Variants in CCSER1 observed in about 807,000 individuals in gnomAD.
CCSER1 encodes coiled-coil serine rich protein 1.
A neutral mutation model predicts 82.0 loss-of-function variants in CCSER1; 41 were observed. The ratio of observed to expected loss-of-function variants is 0.50; its 90% CI spans 0.39 to 0.65. The LOEUF (loss-of-function observed/expected upper bound fraction) is 0.65. Among genes scored for constraint, CCSER1 ranks in the 30% least tolerant of loss-of-function variants. The pLI is 0.00. For missense variants in CCSER1, 1,119 were observed against 1,064.2 expected, an observed-to-expected ratio of 1.05 and a Z score of -0.72; for synonymous variants, 414 against 383.9, an observed-to-expected ratio of 1.08 and a Z score of -0.92.
chr4:90,226,754 G>C (rs1267070999), intron 1 of CCSER1, among the ~76,000 whole-genome samples: 2 of 152,200 alleles, frequency 1.3e-5, no homozygotes, highest in Admixed American at 1.3e-4. Context: ...GAAAGAGCTT[G>C]TTCTTCAGCT....
In CCSER1 at chr4:90,553,193, G is replaced by A. The variant is rs1437784022; in HGVS notation, c.1725-74832G>A. On this transcript the variant is annotated intron_variant, in intron 5 of 10. Transcript: ENST00000509176. ...TCACCCTGTTGGCCAGGATGGTCTC[G>A]ATCTAACCTCGTGATCTACCTGCCT... Among the ~76,000 whole-genome samples the A allele has an allele frequency of 5.3e-5, 8 of 151,962 alleles. No homozygotes were observed. In the East Asian group the frequency reaches 9.8e-4, roughly 19 times the overall value.
At chr4:91,567,663 T>G (rs1762956475) in intron 10 of CCSER1, among the ~76,000 whole-genome samples, 1 of 152,152 alleles carries the variant, frequency 6.6e-6, no homozygotes, top group South Asian at 2.1e-4. Context: ...TTCGTTGGTT[T>G]GAAATTTGTT....
At chr4:90,323,575 C>T (rs1273402733) in intron 3 of CCSER1, among the ~76,000 whole-genome samples, 2 of 152,198 alleles carry the variant, frequency 1.3e-5, no homozygotes, top group Non-Finnish European at 2.9e-5. Context: ...CACTCTCCCT[C>T]CCACAAGCTC....
At chr4:91,089,486 T>G (rs1723723362) in intron 10 of CCSER1, among the ~76,000 whole-genome samples, 1 of 152,214 alleles carries the variant, frequency 6.6e-6, no homozygotes, top group African/African-American at 2.4e-5. Context: ...TCTCTCTTCT[T>G]TCATTTCCCA....
At chr4:91,063,732 A>G (rs1744142451) in intron 9 of CCSER1, among the ~76,000 whole-genome samples, 1 of 152,172 alleles carries the variant, frequency 6.6e-6, no homozygotes. Flanking sequence ...AAAATCTACA[A>G]TTAGAATGGA....
At chr4:90,405,330 A>C (rs1445876068) in intron 4 of CCSER1, among the ~76,000 whole-genome samples, 1 of 152,152 alleles carries the variant, frequency 6.6e-6, no homozygotes, top group Non-Finnish European at 1.5e-5. Context: ...TAACTAAAAA[A>C]TAAAAATAAA....
chr4:91,387,936 A>G (rs1751404097), intron 10 of CCSER1, among the ~76,000 whole-genome samples: 1 of 151,964 alleles, frequency 6.6e-6, no homozygotes, highest in Non-Finnish European at 1.5e-5. Flanking sequence ...TGAAATGTAG[A>G]AAAAAAATGT....
At chr4:90,284,739 C>T (rs1174948725) in intron 1 of CCSER1, among the ~76,000 whole-genome samples, 2 of 151,932 alleles carry the variant, frequency 1.3e-5, no homozygotes, top group African/African-American at 4.8e-5. Flanking sequence ...GCAATCTGCC[C>T]ACCTTGGCCT....
intron 1 of CCSER1, among the ~76,000 whole-genome samples, chr4:90,191,644 C>G (rs1470150754): frequency 6.6e-6 from 1 of 151,954 alleles, no homozygotes; most frequent in East Asian, 1.9e-4. Flanking sequence ...GGAGAAGGAG[C>G]TGTGAGGAGA....
chr4:90,352,464 G>C (rs1743643950), intron 3 of CCSER1, among the ~76,000 whole-genome samples: 1 of 152,080 alleles, frequency 6.6e-6, no homozygotes, highest in Non-Finnish European at 1.5e-5. Context: ...AGGAGTTCCA[G>C]ACCAGCCTGG....
intron 5 of CCSER1, among the ~76,000 whole-genome samples, chr4:90,603,192 G>A (rs1167263936): frequency 6.6e-6 from 1 of 152,196 alleles, no homozygotes; most frequent in Non-Finnish European, 1.5e-5. Flanking sequence ...CGTATGCAGT[G>A]GCTGGAGGAG....
At chr4:90,309,642 G>T in intron 2 of CCSER1, 34 bp downstream of exon 2, 1 of 1,456,182 alleles carries the variant, frequency 6.9e-7, no homozygotes, top group Non-Finnish European at 9.2e-7. Flanking sequence ...CAAATGATAT[G>T]AATTAATTTT....
In CCSER1 at chr4:91,515,262, A is replaced by G. The variant is rs549805797; in HGVS notation, c.2218-83310A>G. On this transcript the variant is annotated intron_variant, in intron 10 of 10. Transcript: ENST00000509176. Reference sequence around the variant, plus strand: ...TGTGCAGGTTTGTTAATATAGGTAAAGTCAAGTCATGGGGGATTGGTGTAC... The same window carrying G: ...TGTGCAGGTTTGTTAATATAGGTAAGGTCAAGTCATGGGGGATTGGTGTAC... Among the ~76,000 whole-genome samples, 7 of 152,202 alleles carry G rather than the reference A, an allele frequency of 4.6e-5. No homozygotes were observed. The South Asian group carries it at 1.4e-3, about 32-fold the overall frequency.
At chr4:90,796,517 T>C (rs1431224536) in intron 7 of CCSER1, among the ~76,000 whole-genome samples, 5 of 152,028 alleles carry the variant, frequency 3.3e-5, no homozygotes, top group Non-Finnish European at 7.4e-5. Context: ...TTTCTTGTCT[T>C]CTGCTAGCTT....
chr4:90,860,374 G>A (rs1358162257), intron 8 of CCSER1, among the ~76,000 whole-genome samples: 3 of 151,568 alleles, frequency 2.0e-5, no homozygotes, highest in Non-Finnish European at 4.4e-5. Flanking sequence ...CAAGGATATG[G>A]AGAAATTACA....
intron 10 of CCSER1, among the ~76,000 whole-genome samples, chr4:91,220,732 A>G (rs1441934473): frequency 6.6e-6 from 1 of 152,186 alleles, no homozygotes; most frequent in Non-Finnish European, 1.5e-5. Context: ...AGATTTGCCA[A>G]AAGAGTAGGT....
At chr4:90,879,363 G>A (rs1720849677) in intron 8 of CCSER1, among the ~76,000 whole-genome samples, 1 of 151,916 alleles carries the variant, frequency 6.6e-6, no homozygotes, top group Admixed American at 6.6e-5. Flanking sequence ...CCTTCCTGTT[G>A]AAACTTGATG....
At chr4:91,336,992 T>G (rs1317888166) in intron 10 of CCSER1, among the ~76,000 whole-genome samples, 6 of 152,094 alleles carry the variant, frequency 3.9e-5, no homozygotes, top group Non-Finnish European at 7.4e-5. Context: ...GCATATAGAA[T>G]AAACTAAAAT....
chr4:90,337,749 G>A (rs774926096), intron 3 of CCSER1, among the ~76,000 whole-genome samples: 1 of 151,818 alleles, frequency 6.6e-6, no homozygotes, highest in East Asian at 1.9e-4. Flanking sequence ...CTGAAAAAAA[G>A]TAAGCTATTT....
Sources: allele counts gnomAD v4.1 joint callset (sites outside exome capture counted in the v4.1 genomes callset), GRCh38; gene constraint gnomAD v4.1.1; transcripts MANE v1.5; gene names NCBI Gene and HGNC (gene_info 2026-07-23, HGNC 2026-07-21).